The following FAF1 variants were observed in gnomAD, a reference collection of about 807,000 sequenced individuals.
The protein encoded by FAF1 is Fas associated factor 1, also known as FAS-associated factor 1.
A neutral mutation model predicts 92.5 loss-of-function variants in FAF1; 25 were observed. The observed-to-expected ratio is 0.27, with a 90% CI of 0.20 to 0.38. The LOEUF is 0.38. Among genes scored for constraint, FAF1 ranks in the 10% least tolerant of loss-of-function variants. The pLI is 1.00. For missense variants in FAF1, 636 were observed against 793.3 expected (o/e 0.80, Z 2.38); for synonymous variants, 234 against 273.2 (o/e 0.86, Z 1.42).
chr1:50,710,763 C>T (rs1197563019), intron 6 of FAF1, among the ~76,000 whole-genome samples: 3 of 151,740 alleles, frequency 2.0e-5, no homozygotes, highest in South Asian at 2.1e-4. Context: ...CCACCACGCC[C>T]GGCTAATTTT....
chr1:50,815,926 C>T (rs2124611845), intron 2 of FAF1, among the ~76,000 whole-genome samples: 1 of 151,350 alleles, frequency 6.6e-6, no homozygotes, highest in East Asian at 2.0e-4. Context: ...ACTCTGGGGG[C>T]TGAGGCAGGA....
At chr1:50,461,191 T>C (rs1001516990) in intron 18 of FAF1, among the ~76,000 whole-genome samples, 1 of 152,194 alleles carries the variant, frequency 6.6e-6, no homozygotes, top group African/African-American at 2.4e-5. Flanking sequence ...CCACAGCCTA[T>C]AGAATAATAT....
Position 50,748,619 on chromosome 1 carries a change from G to A in FAF1, c.368-3844C>T, listed in dbSNP as rs1291608309. On this transcript the variant is annotated intron_variant, in intron 4 of 18. Transcript: ENST00000396153. Reference sequence around the variant, plus strand: ...CCTGTGCCCCACAATTATTTTTCAGGAATCAAATCTACTTATAAATTAATC... The same window carrying A: ...CCTGTGCCCCACAATTATTTTTCAGAAATCAAATCTACTTATAAATTAATC... Among the ~76,000 whole-genome samples, 3 of 152,132 alleles carry A rather than the reference G, an allele frequency of 2.0e-5. No homozygotes were observed. In the East Asian group the frequency reaches 5.8e-4, roughly 29 times the overall value.
chr1:50,803,793 A>C (rs1036297141), intron 2 of FAF1, among the ~76,000 whole-genome samples: 3 of 152,136 alleles, frequency 2.0e-5, no homozygotes, highest in Admixed American at 6.5e-5. Flanking sequence ...TTAAATAGTT[A>C]ATTTATCTTG....
chr1:50,713,883 C>G (rs1658058520), intron 6 of FAF1, among the ~76,000 whole-genome samples: 1 of 150,296 alleles, frequency 6.7e-6, no homozygotes, highest in African/African-American at 2.4e-5. Flanking sequence ...AAGCAATCCT[C>G]CCGGCTCAGC....
intron 7 of FAF1, among the ~76,000 whole-genome samples, chr1:50,670,127 GAAAAA>G (rs1008153553): frequency 2.1e-4 from 16 of 74,746 alleles, no homozygotes; most frequent in Admixed American, 1.4e-3. Flanking sequence ...GTCTCAAAAA[GAAAAA>G]AAAAAAAAAA....
intron 2 of FAF1, among the ~76,000 whole-genome samples, chr1:50,830,321 G>A (rs1644141183): frequency 2.6e-5 from 4 of 152,194 alleles, no homozygotes. Flanking sequence ...TGTTGGCCAG[G>A]CTGGTCTCAA....
At chr1:50,868,846 T>C (rs922451757) in intron 1 of FAF1, among the ~76,000 whole-genome samples, 4 of 152,226 alleles carry the variant, frequency 2.6e-5, no homozygotes, top group African/African-American at 4.8e-5. Context: ...ATGTTTCATA[T>C]GCATATAAAT....
chr1:50,744,098 A>G (rs1659497526), intron 5 of FAF1, among the ~76,000 whole-genome samples: 1 of 152,102 alleles, frequency 6.6e-6, no homozygotes. Context: ...AAAATGTTAT[A>G]TCTGAGGTTG....
intron 7 of FAF1, among the ~76,000 whole-genome samples, chr1:50,686,852 A>G (rs1279328243): frequency 6.6e-6 from 1 of 152,062 alleles, no homozygotes; most frequent in African/African-American, 2.4e-5. Flanking sequence ...TTTTTTACAC[A>G]GCACCACATT....
At chr1:50,866,576 C>T (rs144113547) in intron 1 of FAF1, among the ~76,000 whole-genome samples, 201 of 152,052 alleles carry the variant, frequency 1.3e-3, no homozygotes, top group African/African-American at 4.7e-3. Context: ...ACCGAGAACT[C>T]AACCCCCTTT....
At chr1:50,502,384 C>T (rs991023241) in intron 15 of FAF1, among the ~76,000 whole-genome samples, 4 of 152,184 alleles carry the variant, frequency 2.6e-5, no homozygotes, top group African/African-American at 9.7e-5. Flanking sequence ...ACTGAAACTA[C>T]CCATTCATAG....
chr1:50,880,676 T>A (rs1442770779), intron 1 of FAF1, among the ~76,000 whole-genome samples: 1 of 152,198 alleles, frequency 6.6e-6, no homozygotes, highest in Admixed American at 6.5e-5. Context: ...TCCAGAACTG[T>A]GAGAAAATTT....
chr1:50,448,562 C>T (rs1203097227), intron 18 of FAF1, among the ~76,000 whole-genome samples: 1 of 152,126 alleles, frequency 6.6e-6, no homozygotes, highest in African/African-American at 2.4e-5. Flanking sequence ...TGAGCTCAGC[C>T]CCTTCCTTTT....
At chr1:50,718,361 A>G (rs1658276229) in intron 6 of FAF1, among the ~76,000 whole-genome samples, 1 of 152,192 alleles carries the variant, frequency 6.6e-6, no homozygotes. Context: ...AATGGGAACC[A>G]TGGACTTGCT....
At chr1:50,640,618 G>C (rs1654280504) in intron 8 of FAF1, among the ~76,000 whole-genome samples, 2 of 151,842 alleles carry the variant, frequency 1.3e-5, no homozygotes, top group African/African-American at 2.4e-5. Context: ...TATTTCTCTT[G>C]GATCAATTTG....
chr1:50,713,543 G>A (rs917096326), intron 6 of FAF1, among the ~76,000 whole-genome samples: 1 of 152,052 alleles, frequency 6.6e-6, no homozygotes, highest in Non-Finnish European at 1.5e-5. Context: ...CACAGTGCTG[G>A]GATTATAGGC....
At chr1:50,485,209 C>T (rs1490323121) in intron 17 of FAF1, among the ~76,000 whole-genome samples, 2 of 152,066 alleles carry the variant, frequency 1.3e-5, no homozygotes, top group East Asian at 3.9e-4. Flanking sequence ...GATCCTCCCA[C>T]CTCGGCCTCC....
intron 2 of FAF1, among the ~76,000 whole-genome samples, chr1:50,825,500 A>C (rs547073791): frequency 6.6e-6 from 1 of 152,170 alleles, no homozygotes; most frequent in South Asian, 2.1e-4. Context: ...TATCATCTCT[A>C]AATCTGTAGA....
Sources: allele counts gnomAD v4.1 joint callset (sites outside exome capture counted in the v4.1 genomes callset), GRCh38; gene constraint gnomAD v4.1.1; transcripts MANE v1.5; gene names NCBI Gene and HGNC (gene_info 2026-07-23, HGNC 2026-07-21).